Variants in ZNF609 observed in about 807,000 individuals in gnomAD.
The protein encoded by ZNF609 is zinc finger protein 609.
Under a neutral mutation model 109.5 loss-of-function variants are expected in ZNF609, and 11 were observed. The observed-to-expected ratio is 0.10, with a 90% CI of 0.06 to 0.17. The LOEUF (loss-of-function observed/expected upper bound fraction) is 0.17, where lower values mean the gene tolerates loss of function less well. ZNF609 is among the 10% of genes least tolerant of loss of function. The pLI is 1.00. For synonymous variants in ZNF609, 646 were observed against 662.0 expected (o/e 0.98, Z 0.37); for missense variants, 1,559 against 1,772.4 (o/e 0.88, Z 2.16).
chr15:64,612,257 C>T (rs1259033864), intron 2 of ZNF609, among the ~76,000 whole-genome samples: 7 of 150,538 alleles, frequency 4.6e-5, no homozygotes, highest in Admixed American at 2.0e-4. Flanking sequence ...ACGCCATTCT[C>T]CTGCCTCAGC....
intron 2 of ZNF609, among the ~76,000 whole-genome samples, chr15:64,597,323 A>G (rs1242055088): frequency 6.6e-6 from 1 of 152,166 alleles, no homozygotes; most frequent in African/African-American, 2.4e-5. Context: ...GAGAGAGACA[A>G]ATGAGAGCAG....
At chr15:64,571,267 T>G (rs1179764766) in intron 2 of ZNF609, among the ~76,000 whole-genome samples, 2 of 152,142 alleles carry the variant, frequency 1.3e-5, no homozygotes, top group Non-Finnish European at 2.9e-5. Context: ...AGGCACCTCA[T>G]AAGAAGAGCT....
At chr15:64,527,434 A>AGAT (rs1893983503) in intron 2 of ZNF609, among the ~76,000 whole-genome samples, 1 of 151,766 alleles carries the variant, frequency 6.6e-6, no homozygotes, top group Non-Finnish European at 1.5e-5. Context: ...CTTACACATA[A>AGAT]GATGGCATGA....
At chr15:64,652,263 A>G (rs1443861993) in intron 3 of ZNF609, among the ~76,000 whole-genome samples, 2 of 152,026 alleles carry the variant, frequency 1.3e-5, no homozygotes, top group Admixed American at 1.3e-4. Flanking sequence ...GCCTCAAGTG[A>G]TCTGCCCACC....
chr15:64,492,538 C>A (rs1309804007), intron 1 of ZNF609, among the ~76,000 whole-genome samples: 2 of 152,058 alleles, frequency 1.3e-5, no homozygotes, highest in Non-Finnish European at 2.9e-5. Context: ...GAGTTGTCTT[C>A]TTTTTATTTT....
intron 2 of ZNF609, among the ~76,000 whole-genome samples, chr15:64,597,477 A>G (rs898321708): frequency 2.6e-5 from 4 of 152,200 alleles, no homozygotes; most frequent in Non-Finnish European, 5.9e-5. Flanking sequence ...GGTGGGAACC[A>G]TAATCCCTTT....
intron 2 of ZNF609, among the ~76,000 whole-genome samples, chr15:64,505,048 G>C (rs1318774026): frequency 2.6e-5 from 4 of 152,132 alleles, no homozygotes; most frequent in African/African-American, 9.7e-5. Context: ...GCTTTCACTT[G>C]TTTTTCACAG....
chr15:64,463,381 A>G (rs12101509), intron 1 of ZNF609, among the ~76,000 whole-genome samples: 112,292 of 150,790 alleles, frequency 0.74, 45,245 homozygotes, highest in East Asian at 0.96. Flanking sequence ...CCTGGGTGAT[A>G]GAGCAGGACC....
At chr15:64,612,972 G>A (rs562891963) in intron 2 of ZNF609, among the ~76,000 whole-genome samples, 11 of 151,858 alleles carry the variant, frequency 7.2e-5, no homozygotes, top group African/African-American at 1.2e-4. Context: ...CCGAGATCAC[G>A]CCACTGCACT....
intron 1 of ZNF609, among the ~76,000 whole-genome samples, chr15:64,466,701 C>T (rs1893020112): frequency 6.6e-6 from 1 of 152,214 alleles, no homozygotes; most frequent in African/African-American, 2.4e-5. Flanking sequence ...TTGATTTCCT[C>T]ATACGAAGCT....
intron 2 of ZNF609, among the ~76,000 whole-genome samples, chr15:64,531,724 G>A (rs1017706791): frequency 2.6e-5 from 4 of 151,994 alleles, no homozygotes; most frequent in Non-Finnish European, 5.9e-5. Flanking sequence ...ACATGACCTT[G>A]GAAAACGCAA....
chr15:64,547,079 C>T (rs922688249), intron 2 of ZNF609, among the ~76,000 whole-genome samples: 3 of 152,040 alleles, frequency 2.0e-5, no homozygotes, highest in Non-Finnish European at 2.9e-5. Context: ...CATGAGCCAC[C>T]ACGCCTGGCC....
chr15:64,481,321 T>A (rs1893250098), intron 1 of ZNF609, among the ~76,000 whole-genome samples: 1 of 112,768 alleles, frequency 8.9e-6, no homozygotes, highest in Non-Finnish European at 1.7e-5. Context: ...TCTTTTTTCT[T>A]TTTTTTTTTT....
intron 3 of ZNF609, among the ~76,000 whole-genome samples, chr15:64,634,607 A>G (rs919338565): frequency 6.6e-6 from 1 of 152,118 alleles, no homozygotes; most frequent in African/African-American, 2.4e-5. Flanking sequence ...TTTCTTTCTC[A>G]TATGCTATAA....
intron 2 of ZNF609, among the ~76,000 whole-genome samples, chr15:64,551,383 C>T (rs113645218): frequency 0.061 from 9,310 of 152,100 alleles, 293 homozygotes; most frequent in South Asian, 0.087. Context: ...TTGCTTGGCG[C>T]GGTGGCTCAC....
chr15:64,492,352 G>A (rs1273477461), intron 1 of ZNF609, among the ~76,000 whole-genome samples: 1 of 152,108 alleles, frequency 6.6e-6, no homozygotes, highest in African/African-American at 2.4e-5. Context: ...TCCTTTCATA[G>A]AACTCAAATG....
chr15:64,503,036 G>C (rs1893583291), intron 2 of ZNF609: 1 of 144,136 alleles, frequency 6.9e-6, no homozygotes, highest in Non-Finnish European at 1.5e-5. Flanking sequence ...TCCAGCCTAG[G>C]CAATAGAGCC....
intron 2 of ZNF609, chr15:64,529,581 A>G (rs571980347): frequency 1.5e-6 from 2 of 1,366,064 alleles, no homozygotes; most frequent in Admixed American, 3.4e-5. Flanking sequence ...TGATGGCAAC[A>G]ATATCCACTT....
Position 64,576,949 on chromosome 15 carries a change from C to CATATATGTATATATACACATACAT in ZNF609, c.748-45857_748-45856insCATATATATGTATATATACACATA, listed in dbSNP as rs1567018981. 1.7e-3 allele frequency among the ~76,000 whole-genome samples: 89 copies of CATATATGTATATATACACATACAT among 52,220 alleles called. 2 individuals are homozygous for CATATATGTATATATACACATACAT. The highest frequency in any genetic ancestry group is 4.4e-3 in the African/African-American group (86 of 19,370). 34.3% of individuals were successfully genotyped at this position (52,220 alleles called of 152,430 possible). A position where few individuals can be genotyped will look rare whatever the true frequency, so the allele number is the denominator to read the frequency against. On this transcript the variant is annotated intron_variant, in intron 2 of 9. Transcript: ENST00000326648. ...GTGTATATATACATATAAATATATACATATATGTATATATACACATAAATA... is the reference window on the plus strand; with the variant it reads ...GTGTATATATACATATAAATATATACATATATGTATATATACACATACATATATATGTATATATACACATAAATA...
Sources: gnomAD v4.1 joint callset for allele counts (sites outside exome capture counted in the v4.1 genomes callset) on GRCh38, gnomAD v4.1.1 for gene constraint, MANE v1.5 for transcripts, NCBI Gene and HGNC (gene_info 2026-07-23, HGNC 2026-07-21) for gene names.